FAM32A: variants seen among roughly 807,000 people sequenced by gnomAD.
The protein encoded by FAM32A is protein FAM32A.
In FAM32A, 9 loss-of-function variants were observed where a neutral mutation model predicts 15.8. That is an observed-to-expected ratio of 0.57 (90% CI 0.34 to 1.00). The LOEUF (loss-of-function observed/expected upper bound fraction) is 1.00, where lower values mean the gene tolerates loss of function less well. Ranked by LOEUF, FAM32A falls within the 50% of genes least tolerant of loss-of-function variation. FAM32A has a pLI of 0.02. For synonymous variants in FAM32A, 64 were observed against 54.9 expected (o/e 1.16, Z -0.73); for missense variants, 113 against 138.3 (o/e 0.82, Z 0.92).
At chr19:16,190,687 C>G (rs1456200769) in intron 3 of FAM32A, 114 bp downstream of exon 3, 2 of 917,258 alleles carry the variant, frequency 2.2e-6, no homozygotes, top group Non-Finnish European at 3.5e-6. Context: ...GGAAGTTTAC[C>G]TAATAGAAGT....
intron 2 of FAM32A, chr19:16,186,369 G>C (rs2091386018): frequency 6.6e-6 from 1 of 152,246 alleles, no homozygotes; most frequent in South Asian, 2.1e-4. Flanking sequence ...CGGGGTTCAA[G>C]CAATTCTCCT....
intron 2 of FAM32A, 143 bp downstream of exon 2, chr19:16,185,908 T>A: frequency 4.0e-6 from 4 of 1,009,938 alleles, no homozygotes; most frequent in South Asian, 1.8e-5. Context: ...TGTACGTGAG[T>A]GAGAGAAGAG....
At chr19:16,185,844 G>T (rs575774170) in intron 2 of FAM32A, 79 bp downstream of exon 2, 335 of 1,461,856 alleles carry the variant, frequency 2.3e-4, no homozygotes, top group Non-Finnish European at 2.8e-4. Flanking sequence ...GGGCTGGGAC[G>T]CTCCGAGGGC....
In FAM32A at chr19:16,185,765, G is replaced by A; in HGVS notation, c.216G>A (p.Arg72=). 6.5e-7 allele frequency: 1 copy of A among 1,549,418 alleles called. No individual in the cohort carries two copies. Among genetic ancestry groups the A allele is most frequent in the Non-Finnish European group, 8.7e-7 (1 of 1,146,372 alleles). ...QAAFEKMQEK[R]QMERILKKAS... is the part of the protein sequence containing the mutation. The stretch of plus-strand genomic sequence containing the variant: ...CCTTCGAGAAAATGCAGGAGAAGCG[G>A]GTGAGCAGAAGCAGAAGGCGGCGGG... Residue 72 remains arginine (R), a splice_region_variant and synonymous_variant, in exon 2 of 4, where the codon CGG becomes CGA. Coordinates refer to ENST00000263384, the MANE Select transcript of FAM32A (RefSeq NM_014077.4).
chr19:16,186,174 A>C (rs1373747945), intron 2 of FAM32A: 1 of 199,640 alleles, frequency 5.0e-6, no homozygotes, highest in African/African-American at 2.3e-5. Flanking sequence ...GAAGTCATGA[A>C]AGTAAAAAGC....
Position 16,185,438 on chromosome 19 carries a change from G to C in FAM32A, c.-5G>C, listed in dbSNP as rs1402007432. 1.3e-6 allele frequency: 2 copies of C among 1,555,890 alleles called. No individual in the cohort carries two copies. Among genetic ancestry groups the C allele is most frequent in the South Asian group, 1.2e-5 (1 of 84,338 alleles). On this transcript the variant is annotated 5_prime_UTR_variant, in exon 1 of 4. Transcript: ENST00000263384. ...ACTCCAGCTACCGAAGCACTGGAGA[G>C]TGTCATGGAGGCCTACGAGCAGGTC...
chr19:16,188,647 C>CA (rs2091394595), intron 2 of FAM32A, among the ~76,000 whole-genome samples: 1 of 152,206 alleles, frequency 6.6e-6, no homozygotes, highest in Admixed American at 6.5e-5. Flanking sequence ...AGGTGCCTGG[C>CA]ATTGTGTGGC....
At chr19:16,185,916 G>C (rs2091384171) in intron 2 of FAM32A, 151 bp downstream of exon 2, 3 of 978,392 alleles carry the variant, frequency 3.1e-6, no homozygotes, top group Non-Finnish European at 4.4e-6. Context: ...AGTGAGAGAA[G>C]AGTCGCCCTC....
Position 16,185,725 on chromosome 19 carries a change from C to T in FAM32A, c.176C>T (p.Thr59Ile), listed in dbSNP as rs1254782380. The T allele has an allele frequency of 6.4e-7, 1 of 1,556,350 alleles. No individual in the cohort carries two copies. The highest frequency in any genetic ancestry group is 2.0e-5 in the Admixed American group (1 of 51,190). ...EEKRRGLDKR[T>I]PAQAAFEKMQ... is the part of the protein sequence containing the mutation. Reference sequence around the variant, plus strand: ...AAGCGGCGCGGCCTGGACAAGCGGACCCCGGCCCAGGCGGCCTTCGAGAAA... The same window carrying T: ...AAGCGGCGCGGCCTGGACAAGCGGATCCCGGCCCAGGCGGCCTTCGAGAAA... The change falls in exon 2 of 4, where the codon ACC becomes ATC. Residue 59 changes from threonine to isoleucine, a missense_variant. Physicochemically the swap from Thr to Ile is moderately conservative, Grantham distance 89 (BLOSUM62 -1). Coordinates refer to ENST00000263384, the MANE Select transcript of FAM32A (RefSeq NM_014077.4).
intron 2 of FAM32A, among the ~76,000 whole-genome samples, chr19:16,188,848 C>G (rs1337702089): frequency 2.6e-5 from 4 of 152,064 alleles, no homozygotes; most frequent in Middle Eastern, 3.4e-3. Context: ...GCCAGGTGGC[C>G]CCTACCAATA....
intron 3 of FAM32A, 148 bp downstream of exon 3, chr19:16,190,721 AG>A: frequency 1.2e-6 from 1 of 848,624 alleles, no homozygotes; most frequent in Non-Finnish European, 2.0e-6. Flanking sequence ...GGTTATTCAA[AG>A]GGGAGCCCAG....
intron 2 of FAM32A, among the ~76,000 whole-genome samples, chr19:16,190,302 C>G (rs536434613): frequency 6.6e-6 from 1 of 152,296 alleles, no homozygotes; most frequent in Non-Finnish European, 1.5e-5. Context: ...TCAGGCATTG[C>G]TGGTTCATTT....
intron 2 of FAM32A, chr19:16,186,632 G>A (rs932075298): frequency 6.3e-5 from 7 of 111,100 alleles, no homozygotes; most frequent in African/African-American, 6.4e-5. Flanking sequence ...ATAAGGCTCC[G>A]ATAAATTATT....
Position 16,188,458 on chromosome 19 carries a change from C to T in FAM32A, c.217-2062C>T, listed in dbSNP as rs376810305. On this transcript the variant is annotated intron_variant, in intron 2 of 3. Coordinates refer to ENST00000263384, the MANE Select transcript of FAM32A (RefSeq NM_014077.4). ...TAAATGCAGTGCCCCAGTAGAAATC[C>T]AAGTGGAGTCAGCCAGGCACAGTGG... 1.1e-4 allele frequency among the ~76,000 whole-genome samples: 16 copies of T among 152,240 alleles called. No homozygotes were observed. The East Asian group carries it at 2.9e-3, about 28-fold the overall frequency.
chr19:16,190,839 C>T (rs755873790), intron 3 of FAM32A, 48 bp from the exon 4 acceptor site: 2 of 1,499,338 alleles, frequency 1.3e-6, no homozygotes, highest in Admixed American at 1.7e-5. Flanking sequence ...CTCCCCAGTA[C>T]CCCACTTGGG....
chr19:16,191,050 A>C lies in FAM32A; in HGVS notation c.*95A>C. The C allele has an allele frequency of 1.1e-6, 1 of 934,754 alleles. No homozygotes were observed. The highest frequency in any genetic ancestry group is 1.3e-5 in the South Asian group (1 of 75,242). The allele number at this position is 934,754 out of a possible 1,614,324, so 57.9% of individuals were successfully genotyped here. On this transcript the variant is annotated 3_prime_UTR_variant, in exon 4 of 4. Coordinates refer to ENST00000263384, the MANE Select transcript of FAM32A (RefSeq NM_014077.4). ...TTTGGTATATTCTGGAAACATGGCT[A>C]CACACACCCTTGCATCTTCTGCTAC...
intron 2 of FAM32A, among the ~76,000 whole-genome samples, chr19:16,188,254 G>T (rs2091393281): frequency 6.6e-6 from 1 of 152,218 alleles, no homozygotes; most frequent in Admixed American, 6.5e-5. Context: ...TTCAGGGTTA[G>T]CTGTTGGGTT....
At chr19:16,189,749 T>G (rs1383342377) in intron 2 of FAM32A, among the ~76,000 whole-genome samples, 1 of 141,858 alleles carries the variant, frequency 7.0e-6, no homozygotes, top group African/African-American at 2.6e-5. Context: ...TGATCATAGC[T>G]CACTGCAGCC....
At chr19:16,188,451 A>C (rs1268091073) in intron 2 of FAM32A, among the ~76,000 whole-genome samples, 1 of 152,202 alleles carries the variant, frequency 6.6e-6, no homozygotes, top group African/African-American at 2.4e-5. Context: ...GTGCCCCAGT[A>C]GAAATCCAAG....
Sources: gnomAD v4.1 joint callset for allele counts (sites outside exome capture counted in the v4.1 genomes callset) on GRCh38, gnomAD v4.1.1 for gene constraint, MANE v1.5 for transcripts, NCBI Gene and HGNC (gene_info 2026-07-23, HGNC 2026-07-21) for gene names.